The following KIF13B variants were observed in gnomAD, a reference collection of about 807,000 sequenced individuals.
KIF13B encodes kinesin family member 13B, also known as kinesin-like protein KIF13B.
Under a neutral mutation model 222.0 loss-of-function variants are expected in KIF13B, and 127 were observed. That is an observed-to-expected ratio of 0.57 (90% CI 0.50 to 0.66). KIF13B has a LOEUF of 0.66. Ranked by LOEUF, KIF13B falls within the 30% of genes least tolerant of loss-of-function variation. KIF13B has a pLI of 0.00. For synonymous variants in KIF13B, 976 were observed against 919.0 expected (o/e 1.06, Z -1.12); for missense variants, 2,173 against 2,379.0 (o/e 0.91, Z 1.80).
At chr8:29,113,825 T>C (rs948496284) in intron 31 of KIF13B, among the ~76,000 whole-genome samples, 12 of 152,192 alleles carry the variant, frequency 7.9e-5, no homozygotes, top group African/African-American at 2.9e-4. Flanking sequence ...GCAGTAGGCA[T>C]CTGGATGAAC....
chr8:29,136,490 G>C (rs1374778419), intron 21 of KIF13B, among the ~76,000 whole-genome samples: 1 of 152,112 alleles, frequency 6.6e-6, no homozygotes, highest in Admixed American at 6.5e-5. Flanking sequence ...TGAGACAGGA[G>C]AATCACTTGA....
intron 34 of KIF13B, 22 bp downstream of exon 34, chr8:29,109,410 CAG>C: frequency 6.3e-7 from 1 of 1,583,652 alleles, no homozygotes. Flanking sequence ...AGGCACAGCA[CAG>C]AGCTTGGTTC....
At chr8:29,097,998 C>A (rs552139557) in intron 36 of KIF13B, among the ~76,000 whole-genome samples, 2 of 151,084 alleles carry the variant, frequency 1.3e-5, no homozygotes, top group African/African-American at 4.9e-5. Flanking sequence ...GGTGAAACTC[C>A]GTCTCTACTA....
chr8:29,186,969 CAAAAAAAAAA>C lies in KIF13B; in HGVS notation c.317-507_317-498del, dbSNP rs766708048. On this transcript the variant is annotated intron_variant, in intron 5 of 39. Transcript: ENST00000524189. ...GGGCTACAGAGCAACACTCCATCTC[CAAAAAAAAAA>C]AAAAAAAGAAAAATAAACTTATTTA... Among the ~76,000 whole-genome samples, 55 of 68,680 alleles carry C rather than the reference CAAAAAAAAAA, an allele frequency of 8.0e-4. No individual in the cohort carries two copies. In the South Asian group the frequency reaches 0.024, roughly 30 times the overall value. The allele number at this position is 68,680 out of a possible 152,430, so 45.1% of individuals were successfully genotyped here. A position where few individuals can be genotyped will look rare whatever the true frequency, so the allele number is the denominator to read the frequency against.
intron 3 of KIF13B, among the ~76,000 whole-genome samples, chr8:29,192,712 G>C (rs372816444): frequency 6.6e-6 from 1 of 152,052 alleles, no homozygotes; most frequent in African/African-American, 2.4e-5. Context: ...AGAAAATTAG[G>C]TTAAGATGGT....
intron 2 of KIF13B, among the ~76,000 whole-genome samples, chr8:29,227,204 CCTCAT>C (rs774598904): frequency 6.6e-5 from 10 of 151,798 alleles, no homozygotes; most frequent in African/African-American, 2.4e-4. Context: ...TATAGTCAAT[CCTCAT>C]CTCAAGTTAT....
intron 13 of KIF13B, among the ~76,000 whole-genome samples, chr8:29,159,608 T>C (rs1039621036): frequency 5.3e-5 from 8 of 152,172 alleles, no homozygotes; most frequent in African/African-American, 1.9e-4. Context: ...CCTGGCAAAG[T>C]AGCCAGAGAC....
At chr8:29,208,481 G>T (rs542044816) in intron 2 of KIF13B, among the ~76,000 whole-genome samples, 61 of 152,156 alleles carry the variant, frequency 4.0e-4, no homozygotes, top group Admixed American at 8.5e-4. Context: ...TGTTTTTTTG[G>T]TTTTTTCTAG....
chr8:29,073,536 A>G (rs539101026), intron 38 of KIF13B, among the ~76,000 whole-genome samples: 2 of 152,236 alleles, frequency 1.3e-5, no homozygotes, highest in Non-Finnish European at 2.9e-5. Flanking sequence ...GAAAAGGAGA[A>G]GGCAGGAACA....
At chr8:29,215,520 C>T (rs1364833758) in intron 2 of KIF13B, among the ~76,000 whole-genome samples, 1 of 152,028 alleles carries the variant, frequency 6.6e-6, no homozygotes, top group Non-Finnish European at 1.5e-5. Context: ...GAGACCCTGT[C>T]TTTACCAAAA....
intron 34 of KIF13B, 70 bp downstream of exon 34, chr8:29,109,364 G>A: frequency 8.2e-7 from 1 of 1,213,194 alleles, no homozygotes; most frequent in South Asian, 1.2e-5. Flanking sequence ...GGGTGGAGAA[G>A]AGTTACCCAA....
intron 18 of KIF13B, among the ~76,000 whole-genome samples, chr8:29,144,266 T>TG (rs934591102): frequency 1.3e-5 from 2 of 151,144 alleles, no homozygotes; most frequent in Non-Finnish European, 3.0e-5. Context: ...CGTGTGTGTG[T>TG]TTTTTTTTAA....
At chr8:29,194,074 TCCG>T (rs1310202235) in intron 3 of KIF13B, among the ~76,000 whole-genome samples, 1 of 151,416 alleles carries the variant, frequency 6.6e-6, no homozygotes, top group African/African-American at 2.4e-5. Context: ...TCCGCTGGCC[TCCG>T]CCTCCCAAAG....
intron 23 of KIF13B, 28 bp downstream of exon 23, chr8:29,132,280 T>C (rs1252423300): frequency 6.4e-6 from 9 of 1,398,802 alleles, no homozygotes; most frequent in East Asian, 2.6e-5. Flanking sequence ...TATATATAAA[T>C]GGAATCAGAT....
rs1285399633 is a variant in KIF13B at position 29,130,558 on chromosome 8, G to A, written c.3050C>T (p.Thr1017Ile). Residue 1017 changes from threonine (T) to isoleucine (I), a missense_variant, in exon 24 of 40, where the codon ACA becomes ATA. Thr to Ile is a moderately conservative substitution (Grantham distance 89, BLOSUM62 -1). This residue lies in a region of KIF13B where 1,480 missense variants were observed against 1,722.8 expected (regional missense o/e 0.86). Coordinates refer to ENST00000524189, the MANE Select transcript of KIF13B (RefSeq NM_015254.4). Reference protein sequence around the residue: ...VEVISAKDVPTGGIFQLRQGQ... With the variant: ...VEVISAKDVPIGGIFQLRQGQ... ...CTGCCGGAGCTGGAAGATTCCTCCT[G>A]TTGGGACATCCTTTGCAGAAATCAC... The A allele has an allele frequency of 1.9e-6, 3 of 1,613,746 alleles. No individual in the cohort carries two copies. The highest frequency in any genetic ancestry group is 2.5e-6 in the Non-Finnish European group (3 of 1,179,710).
chr8:29,124,417 C>G (rs1810016774), intron 26 of KIF13B, among the ~76,000 whole-genome samples: 1 of 152,184 alleles, frequency 6.6e-6, no homozygotes, highest in African/African-American at 2.4e-5. Context: ...TCTAAAAGGT[C>G]TCTTTGCTGG....
At chr8:29,145,009 T>TG (rs1387150258) in intron 18 of KIF13B, among the ~76,000 whole-genome samples, 1 of 152,170 alleles carries the variant, frequency 6.6e-6, no homozygotes, top group Non-Finnish European at 1.5e-5. Context: ...TCTGCTTTTT[T>TG]CAACTTATAC....
chr8:29,163,197 T>A (rs1477488630), intron 12 of KIF13B, among the ~76,000 whole-genome samples: 3 of 152,218 alleles, frequency 2.0e-5, no homozygotes, highest in Non-Finnish European at 4.4e-5. Flanking sequence ...AAAATATTAC[T>A]GAGCATACAA....
intron 2 of KIF13B, among the ~76,000 whole-genome samples, chr8:29,198,265 C>A (rs1242324552): frequency 1.3e-5 from 2 of 151,988 alleles, no homozygotes; most frequent in Admixed American, 1.3e-4. Context: ...ACACTGCTGG[C>A]AGAAATATAA....
Sources: gnomAD v4.1 joint callset for allele counts (sites outside exome capture counted in the v4.1 genomes callset) on GRCh38, gnomAD v4.1.1 for gene constraint, gnomAD v4.1.1 regional missense constraint, MANE v1.5 for transcripts, NCBI Gene and HGNC (gene_info 2026-07-23, HGNC 2026-07-21) for gene names.